Variants in POLN observed in about 807,000 individuals in gnomAD.
The protein encoded by POLN is DNA polymerase nu.
In POLN, 108 loss-of-function variants were observed where a neutral mutation model predicts 113.5. The ratio of observed to expected loss-of-function variants is 0.95; its 90% CI spans 0.81 to 1.12. The LOEUF (loss-of-function observed/expected upper bound fraction) is 1.12, where lower values mean the gene tolerates loss of function less well. POLN is among the 50% of genes most tolerant of loss of function. POLN has a pLI of 0.00. For missense variants in POLN, 1,097 were observed against 1,077.1 expected (o/e 1.02, Z -0.26); for synonymous variants, 386 against 391.5 (o/e 0.99, Z 0.17).
chr4:2,241,432 G>A (rs1285316735), intron 2 of POLN, 88 bp downstream of exon 2: 1 of 916,642 alleles, frequency 1.1e-6, no homozygotes, highest in Non-Finnish European at 1.3e-6. Flanking sequence ...GCCACCAGGA[G>A]GCTAGGCAGC....
At chr4:2,181,886 G>A (rs1733151906) in intron 7 of POLN, among the ~76,000 whole-genome samples, 1 of 152,054 alleles carries the variant, frequency 6.6e-6, no homozygotes, top group Admixed American at 6.6e-5. Context: ...TGCAGTCCCA[G>A]CTACTGGGGA....
At chr4:2,206,147 G>A (rs1413772719) in intron 5 of POLN, among the ~76,000 whole-genome samples, 1 of 152,108 alleles carries the variant, frequency 6.6e-6, no homozygotes, top group African/African-American at 2.4e-5. Context: ...ACATAAAGTG[G>A]GGAAAGGACA....
At chr4:2,239,077 T>C (rs778683964) in intron 2 of POLN, 3 of 1,143,212 alleles carry the variant, frequency 2.6e-6, no homozygotes, top group East Asian at 4.9e-5. Flanking sequence ...TTTCAAACTG[T>C]ATGCCTAAAT....
intron 19 of POLN, among the ~76,000 whole-genome samples, chr4:2,116,225 A>C (rs1731314158): frequency 6.6e-6 from 1 of 152,182 alleles, no homozygotes; most frequent in Admixed American, 6.5e-5. Flanking sequence ...TGTGCTCTGG[A>C]GCTGGGGCTC....
intron 7 of POLN, among the ~76,000 whole-genome samples, chr4:2,191,660 A>G (rs866520206): frequency 1.3e-5 from 2 of 152,144 alleles, no homozygotes; most frequent in Non-Finnish European, 2.9e-5. Flanking sequence ...AAAAAGAATA[A>G]AAGATTATTG....
At chr4:2,213,155 G>A (rs937889594) in intron 3 of POLN, 29 bp from the exon 4 acceptor site, 13 of 1,447,714 alleles carry the variant, frequency 9.0e-6, no homozygotes, top group Non-Finnish European at 1.2e-5. Context: ...AAGAAACATG[G>A]GGCATTAAAG....
intron 19 of POLN, among the ~76,000 whole-genome samples, chr4:2,125,483 AG>A (rs1198469409): frequency 6.6e-6 from 1 of 152,228 alleles, no homozygotes. Flanking sequence ...AAGAGAAGAC[AG>A]GAAGTCAAGA....
At chr4:2,200,824 A>C (rs140685713) in intron 5 of POLN, among the ~76,000 whole-genome samples, 2,095 of 152,272 alleles carry the variant, frequency 0.014, 28 homozygotes, top group Non-Finnish European at 0.021. Flanking sequence ...ATGCCCAAAA[A>C]ATCATACTAG....
At chr4:2,115,183 G>C (rs945890974) in intron 19 of POLN, among the ~76,000 whole-genome samples, 1 of 148,868 alleles carries the variant, frequency 6.7e-6, no homozygotes, top group Admixed American at 6.7e-5. Flanking sequence ...CCAGTAGCTG[G>C]GATTACAGGT....
intron 2 of POLN, chr4:2,236,468 A>T (rs753673866): frequency 2.6e-6 from 4 of 1,555,126 alleles, no homozygotes; most frequent in Non-Finnish European, 1.8e-6. Flanking sequence ...TGAAATGTAA[A>T]AATTAAAATT....
intron 2 of POLN, chr4:2,238,830 T>A: frequency 6.2e-7 from 1 of 1,613,050 alleles, no homozygotes. Flanking sequence ...ATTAATTGAT[T>A]TAAAACTAAC....
intron 2 of POLN, chr4:2,240,084 G>A (rs1158379763): frequency 1.2e-6 from 2 of 1,613,776 alleles, no homozygotes; most frequent in African/African-American, 1.3e-5. Flanking sequence ...TTTTATACTT[G>A]ACTTCATGCT....
At chr4:2,211,250 A>AAATAATAATAATAAT (rs71167780) in intron 4 of POLN, among the ~76,000 whole-genome samples, 6 of 139,824 alleles carry the variant, frequency 4.3e-5, no homozygotes, top group Admixed American at 7.3e-5. Context: ...CTCCGTCTCC[A>AAATAATAATAATAAT]AATAATAATA....
chr4:2,132,014 C>T (rs927443841), intron 16 of POLN, among the ~76,000 whole-genome samples: 2 of 152,148 alleles, frequency 1.3e-5, no homozygotes, highest in African/African-American at 2.4e-5. Context: ...CTAAATCTGA[C>T]GAATTGTGCC....
At chr4:2,226,829 G>T (rs1411829612) in intron 3 of POLN, among the ~76,000 whole-genome samples, 1 of 152,174 alleles carries the variant, frequency 6.6e-6, no homozygotes, top group African/African-American at 2.4e-5. Context: ...GGAAATAAAA[G>T]GCTAATTTAC....
At chr4:2,110,307 C>T (rs1731159667) in intron 19 of POLN, among the ~76,000 whole-genome samples, 1 of 151,996 alleles carries the variant, frequency 6.6e-6, no homozygotes, top group Admixed American at 6.5e-5. Context: ...AAAACTGACA[C>T]CCTAACATCA....
intron 16 of POLN, among the ~76,000 whole-genome samples, chr4:2,144,705 C>T (rs1252786354): frequency 6.6e-6 from 1 of 152,164 alleles, no homozygotes; most frequent in African/African-American, 2.4e-5. Flanking sequence ...CTGTATTTAG[C>T]ACTCGATAAC....
chr4:2,139,172 C>A (rs1288268493), intron 16 of POLN, among the ~76,000 whole-genome samples: 1 of 152,122 alleles, frequency 6.6e-6, no homozygotes, highest in Non-Finnish European at 1.5e-5. Flanking sequence ...CACACTGGGT[C>A]ACCAGCAGGG....
At chr4:2,096,223 C>T (rs1029756029) in intron 19 of POLN, among the ~76,000 whole-genome samples, 1 of 152,212 alleles carries the variant, frequency 6.6e-6, no homozygotes, top group Admixed American at 6.5e-5. Flanking sequence ...AAAGGCATGC[C>T]CATCCAACTT....
Sources: gnomAD v4.1 joint callset for allele counts (sites outside exome capture counted in the v4.1 genomes callset) on GRCh38, gnomAD v4.1.1 for gene constraint, MANE v1.5 for transcripts, NCBI Gene and HGNC (gene_info 2026-07-23, HGNC 2026-07-21) for gene names.